Variants in CTNNA1 observed in about 807,000 individuals in gnomAD.
CTNNA1 encodes the protein catenin alpha-1.
A neutral mutation model predicts 98.4 loss-of-function variants in CTNNA1; 37 were observed. The ratio of observed to expected loss-of-function variants is 0.38; its 90% CI spans 0.29 to 0.49. CTNNA1 has a LOEUF of 0.49. Ranked by LOEUF, CTNNA1 falls within the 20% of genes least tolerant of loss-of-function variation. The probability of loss-of-function intolerance (pLI) is 0.95; values close to 1 mark genes in which losing one functional copy is unlikely to be tolerated. For synonymous variants in CTNNA1, 404 were observed against 413.2 expected (o/e 0.98, Z 0.27); for missense variants, 761 against 1,147.2 (o/e 0.66, Z 4.86).
At chr5:138,875,615 A>G (rs772688888) in intron 7 of CTNNA1, 37 of 985,328 alleles carry the variant, frequency 3.8e-5, no homozygotes, top group Non-Finnish European at 4.5e-5. Flanking sequence ...GGGTTAGCAG[A>G]GTGATGATTT....
At chr5:138,825,592 A>C (rs1760633870) in intron 6 of CTNNA1, among the ~76,000 whole-genome samples, 1 of 150,202 alleles carries the variant, frequency 6.7e-6, no homozygotes, top group African/African-American at 2.4e-5. Flanking sequence ...ATCCTTTCAT[A>C]AAGTAGGGAT....
intron 1 of CTNNA1, among the ~76,000 whole-genome samples, chr5:138,772,246 G>T (rs188595442): frequency 6.6e-6 from 1 of 152,250 alleles, no homozygotes; most frequent in Admixed American, 6.5e-5. Context: ...TTGCTTTATA[G>T]CCAGGATTAC....
intron 7 of CTNNA1, among the ~76,000 whole-genome samples, chr5:138,835,210 T>TGTC (rs1761666474): frequency 1.3e-5 from 2 of 152,292 alleles, no homozygotes; most frequent in African/African-American, 4.8e-5. Context: ...TCTGGATGTA[T>TGTC]ACATGCAGGT....
In CTNNA1 at chr5:138,934,099, G is replaced by A. The variant is rs753969011; in HGVS notation, c.*10G>A. 3 of 1,604,250 alleles carry A rather than the reference G, an allele frequency of 1.9e-6. No homozygotes were observed. The highest frequency in any genetic ancestry group is 2.6e-6 in the Non-Finnish European group (3 of 1,175,494). ...TATGGACAGCATCTAAGTCTGCCCA[G>A]GCCGGCCGCCCCCACCCCTCGGGGC... is the stretch of plus-strand genomic sequence containing the variant. On this transcript the variant is annotated 3_prime_UTR_variant, in exon 18 of 18. Transcript: ENST00000302763.
chr5:138,783,434 A>C, intron 3 of CTNNA1, 62 bp downstream of exon 3: 1 of 1,465,242 alleles, frequency 6.8e-7, no homozygotes, highest in Admixed American at 2.0e-5. Flanking sequence ...CAGTGTTTGA[A>C]GATTTTTTTT....
intron 7 of CTNNA1, among the ~76,000 whole-genome samples, chr5:138,843,796 G>A (rs938174347): frequency 3.3e-5 from 5 of 152,198 alleles, no homozygotes; most frequent in African/African-American, 1.2e-4. Context: ...GCTTCTAGGG[G>A]CAGTGGCCCA....
rs549854876 is a variant in CTNNA1, at chr5:138,763,637, C to G, written c.-3+10127C>G. On this transcript the variant is annotated intron_variant, in intron 1 of 17. Transcript: ENST00000302763. ...GGATTACAGGCATGTGCCACTGTGCCTGGCCTGAGTTTACAATCCAAATTC... is the reference window on the plus strand; with the variant it reads ...GGATTACAGGCATGTGCCACTGTGCGTGGCCTGAGTTTACAATCCAAATTC... 2.3e-4 allele frequency among the ~76,000 whole-genome samples: 35 copies of G among 152,298 alleles called. No homozygotes were observed. The South Asian group carries it at 5.4e-3, about 23-fold the overall frequency.
intron 1 of CTNNA1, chr5:138,755,181 A>G (rs985996831): frequency 2.0e-5 from 3 of 152,234 alleles, no homozygotes; most frequent in Non-Finnish European, 4.4e-5. Context: ...CCTTAACAGT[A>G]CTAATGAAAC....
chr5:138,925,324 A>G lies in CTNNA1; in HGVS notation c.1816A>G (p.Met606Val). ...CCTCAGCTCGGACCCTGCCCAGCCC[A>G]TGGATGAGAATGAGTTTATCGATGC... ...EALSSDPAQPMDENEFIDASR... is the reference protein window; with the variant it reads ...EALSSDPAQPVDENEFIDASR... The change falls in exon 13 of 18, where the codon ATG (methionine) becomes GTG (valine). Residue 606 changes from methionine to valine, a missense_variant. Around this residue, in one of 6 missense-constraint regions of CTNNA1, gnomAD observed 287 missense variants for 436.0 expected, o/e 0.66. Coordinates refer to ENST00000302763, the MANE Select transcript of CTNNA1 (RefSeq NM_001903.5). 1.2e-6 allele frequency: 2 copies of G among 1,614,160 alleles called. No homozygotes were observed. The highest frequency in any genetic ancestry group is 1.6e-4 in the Middle Eastern group (1 of 6,062).
chr5:138,887,362 G>T (rs1022007392), intron 8 of CTNNA1, 128 bp from the exon 9 acceptor site: 9 of 608,468 alleles, frequency 1.5e-5, no homozygotes, highest in Non-Finnish European at 2.2e-5. Flanking sequence ...TACATGAGGG[G>T]TCCTCATGTA....
intron 3 of CTNNA1, among the ~76,000 whole-genome samples, chr5:138,806,640 G>A (rs1286139582): frequency 6.6e-6 from 1 of 152,022 alleles, no homozygotes; most frequent in South Asian, 2.1e-4. Flanking sequence ...ATTGAATTCT[G>A]TTTGTCTCTG....
rs1400784482 is a variant in CTNNA1, at chr5:138,873,919, G to A, written c.1063-12293G>A. Reference sequence around the variant, plus strand: ...CAAAATTAATCTTCGTCAGCTGGTTGTGCTCTAGGTGAAGCTCTCTCAGTT... The same window carrying A: ...CAAAATTAATCTTCGTCAGCTGGTTATGCTCTAGGTGAAGCTCTCTCAGTT... On this transcript the variant is annotated intron_variant, in intron 7 of 17. Transcript: ENST00000302763. This position sits in a 1 kb window ranked among gnomAD's most constrained non-coding sequence, Gnocchi z 6.1. The A allele has an allele frequency of 1.4e-5, 22 of 1,613,914 alleles. No individual in the cohort carries two copies. Among genetic ancestry groups the A allele is most frequent in the Non-Finnish European group, 1.7e-5 (20 of 1,179,910 alleles).
rs944137320 is a variant in CTNNA1, at chr5:138,933,100, C to T, written c.2433+388C>T. ...AGTGAGCCGAGATGGCACCACTGCA[C>T]TCCCGTCTGGGCAACAGAACAAGAC... On this transcript the variant is annotated intron_variant, in intron 17 of 17. Transcript: ENST00000302763. 5.2e-5 allele frequency: 35 copies of T among 666,690 alleles called. No individual in the cohort carries two copies. The African/African-American group carries it at 6.0e-4, about 11-fold the overall frequency. The allele number at this position is 666,690 out of a possible 1,614,324, so 41.3% of individuals were successfully genotyped here.
At chr5:138,883,835 C>T (rs576604093) in intron 7 of CTNNA1, among the ~76,000 whole-genome samples, 37 of 152,160 alleles carry the variant, frequency 2.4e-4, no homozygotes, top group South Asian at 1.7e-3. Context: ...CTGATTAAAG[C>T]ATTAATTATG....
chr5:138,896,700 T>C (rs1482020982), intron 9 of CTNNA1, among the ~76,000 whole-genome samples: 2 of 152,234 alleles, frequency 1.3e-5, no homozygotes, highest in African/African-American at 4.8e-5. Flanking sequence ...TTCTTTCATC[T>C]GTTTATAAAA....
intron 5 of CTNNA1, among the ~76,000 whole-genome samples, chr5:138,820,218 C>T (rs1200313218): frequency 2.6e-5 from 4 of 151,930 alleles, no homozygotes; most frequent in Admixed American, 1.3e-4. Flanking sequence ...TTGCTTGCAG[C>T]TTGGGGATGT....
At chr5:138,769,745 CT>C (rs1310916895) in intron 1 of CTNNA1, among the ~76,000 whole-genome samples, 1 of 152,010 alleles carries the variant, frequency 6.6e-6, no homozygotes, top group East Asian at 1.9e-4. Flanking sequence ...GTTGATCAGG[CT>C]GGTCTCGAAC....
chr5:138,825,192 A>G (rs1050109068), intron 6 of CTNNA1, among the ~76,000 whole-genome samples: 5 of 152,168 alleles, frequency 3.3e-5, no homozygotes, highest in South Asian at 2.1e-4. Flanking sequence ...GGAGATAGAG[A>G]AACATCATAA....
chr5:138,863,119 A>G lies in CTNNA1; in HGVS notation c.1063-23093A>G, dbSNP rs1033170880. 2.6e-5 allele frequency among the ~76,000 whole-genome samples: 4 copies of G among 152,072 alleles called. No individual in the cohort carries two copies. In the East Asian group the frequency reaches 5.8e-4, roughly 22 times the overall value. On this transcript the variant is annotated intron_variant, in intron 7 of 17. Coordinates refer to ENST00000302763, the MANE Select transcript of CTNNA1 (RefSeq NM_001903.5). Reference sequence around the variant, plus strand: ...GATCAGGGCTCCTAACTGCTGTGCAACTTAACTTGCCCCTGTTGAAAATCT... The same window carrying G: ...GATCAGGGCTCCTAACTGCTGTGCAGCTTAACTTGCCCCTGTTGAAAATCT...
Sources: allele counts gnomAD v4.1 joint callset (sites outside exome capture counted in the v4.1 genomes callset), GRCh38; gene constraint gnomAD v4.1.1; regional missense constraint gnomAD v4.1.1; non-coding constraint Gnocchi (gnomAD v3.1); transcripts MANE v1.5; gene names NCBI Gene and HGNC (gene_info 2026-07-23, HGNC 2026-07-21).